Variants in CALM2 observed in about 807,000 individuals in gnomAD.
CALM2 encodes the protein calmodulin-2.
Under a neutral mutation model 19.8 loss-of-function variants are expected in CALM2, and 2 were observed. The ratio of observed to expected loss-of-function variants is 0.10; its 90% CI spans 0.04 to 0.32. The LOEUF (loss-of-function observed/expected upper bound fraction) is 0.32. Among genes scored for constraint, CALM2 ranks in the 10% least tolerant of loss-of-function variants. The probability of loss-of-function intolerance (pLI) is 1.00; values close to 1 mark genes in which losing one functional copy is unlikely to be tolerated. For synonymous variants in CALM2, 51 were observed against 52.1 expected (o/e 0.98, Z 0.09); for missense variants, 38 against 178.7 (o/e 0.21, Z 4.49).
intron 1 of CALM2, chr2:47,171,326 A>C (rs1666660222): frequency 6.6e-6 from 1 of 152,598 alleles, no homozygotes; most frequent in South Asian, 2.1e-4. Context: ...ATCCCAAAGT[A>C]AGCCCAAGGC....
Position 47,160,670 on chromosome 2 carries a change from TA to T in CALM2, c.*105del, listed in dbSNP as rs574525770. 221 of 612,118 alleles carry T rather than the reference TA, an allele frequency of 3.6e-4. 1 individual carries two copies. The African/African-American group carries it at 4.0e-3, about 11-fold the overall frequency. The allele number at this position is 612,118 out of a possible 1,614,324, so 37.9% of individuals were successfully genotyped here. ...TGAAGTCCTAATTACTATACATGCA[TA>T]TTTTTTTGACAGTAGGGAGAAACCT... On this transcript the variant is annotated 3_prime_UTR_variant, in exon 6 of 6. Transcript: ENST00000272298.
In CALM2 at chr2:47,160,810, AAAG is replaced by A. The variant is rs775247848; in HGVS notation, c.422-9_422-7del. On this transcript the variant is annotated splice_region_variant and splice_polypyrimidine_tract_variant and intron_variant, in intron 5 of 5. Coordinates refer to ENST00000272298, the MANE Select transcript of CALM2 (RefSeq NM_001743.6). ...TGTCATCATTTGTACAAACTCTGAA[AAAG>A]AAGAAGTACACAAAAAATGAGTCAA... 111 of 1,484,440 alleles carry A rather than the reference AAAG, an allele frequency of 7.5e-5. No homozygotes were observed. In the Middle Eastern group the frequency reaches 1.1e-3, roughly 15 times the overall value. The allele number at this position is 1,484,440 out of a possible 1,614,324, so 92.0% of individuals were successfully genotyped here. A position where few individuals can be genotyped will look rare whatever the true frequency, so the allele number is the denominator to read the frequency against.
At chr2:47,170,395 T>C (rs1325949504) in intron 2 of CALM2, among the ~76,000 whole-genome samples, 3 of 152,182 alleles carry the variant, frequency 2.0e-5, no homozygotes, top group Non-Finnish European at 4.4e-5. Context: ...CTTGGCCTCC[T>C]TTTCTAGCGT....
chr2:47,169,935 T>C (rs1159436363), intron 2 of CALM2, among the ~76,000 whole-genome samples: 1 of 146,534 alleles, frequency 6.8e-6, no homozygotes, highest in Non-Finnish European at 1.5e-5. Flanking sequence ...AACAAAGGAA[T>C]AGTTTGCAAA....
upstream of CALM2, chr2:47,176,563 C>T: frequency 6.4e-7 from 1 of 1,553,588 alleles, no homozygotes; most frequent in Non-Finnish European, 8.7e-7. Flanking sequence ...TCCGCCAGAT[C>T]CCTCCGCCGC....
chr2:47,162,171 CAAAAAAAAAAAAAAA>C (rs56839340), intron 4 of CALM2, 100 bp downstream of exon 4: 447 of 130,082 alleles, frequency 3.4e-3, no homozygotes, highest in Non-Finnish European at 4.2e-3. Context: ...GGTAAATCAT[CAAAAAAAAAAAAAAA>C]AAAAAAAAAA....
chr2:47,169,895 G>A (rs1215120533), intron 2 of CALM2, among the ~76,000 whole-genome samples: 1 of 150,082 alleles, frequency 6.7e-6, no homozygotes, highest in African/African-American at 2.4e-5. Context: ...AAACTGCTTG[G>A]TGCTCATGCT....
chr2:47,175,670 C>T (rs1376056258), intron 1 of CALM2, among the ~76,000 whole-genome samples: 1 of 151,398 alleles, frequency 6.6e-6, no homozygotes, highest in Non-Finnish European at 1.5e-5. Context: ...GGATGGGAAA[C>T]CGTCGAGGCC....
chr2:47,161,685 T>A (rs1165264954), intron 5 of CALM2, 38 bp downstream of exon 5: 2 of 1,576,870 alleles, frequency 1.3e-6, no homozygotes, highest in Non-Finnish European at 1.7e-6. Flanking sequence ...ATCTTAAAAA[T>A]CAAAGTGAAG....
At chr2:47,172,432 A>C (rs1309063599) in intron 1 of CALM2, 1 of 870,112 alleles carries the variant, frequency 1.1e-6, no homozygotes. Flanking sequence ...GTTGTTGTGC[A>C]AAGTGAGATG....
rs111287024 is a variant in CALM2 at position 47,162,009 on chromosome 2, T to C, written c.286-151A>G. 107 of 694,252 alleles carry C rather than the reference T, an allele frequency of 1.5e-4. No individual in the cohort carries two copies. The African/African-American group carries it at 1.6e-3, about 10-fold the overall frequency. The allele number at this position is 694,252 out of a possible 1,614,324, so 43.0% of individuals were successfully genotyped here. On this transcript the variant is annotated intron_variant, in intron 4 of 5. Coordinates refer to ENST00000272298, the MANE Select transcript of CALM2 (RefSeq NM_001743.6). ...CTACACAGTTGACCTACAAATGTCA[T>C]TAAGAGCCAAGCAAAATGTCCTACA...
intron 1 of CALM2, chr2:47,172,661 A>C: frequency 6.0e-6 from 2 of 335,640 alleles, no homozygotes; most frequent in Non-Finnish European, 1.1e-5. Flanking sequence ...CACAAGGTGC[A>C]ACCCAGCGAC....
upstream of CALM2, chr2:47,176,524 C>A (rs774957821): frequency 6.3e-7 from 1 of 1,590,652 alleles, no homozygotes; most frequent in Admixed American, 1.7e-5. Context: ...TTCGCCTCCT[C>A]CGCCCCCAGC....
Position 47,174,901 on chromosome 2 carries a change from G to A in CALM2, c.3+1540C>T, listed in dbSNP as rs1666796486. On this transcript the variant is annotated intron_variant, in intron 1 of 5. Transcript: ENST00000272298. ...GCAAATCCATCAAACGTCAATGAAC[G>A]CTAGTTTTATTTAAGGTGAAATCGT... is the stretch of plus-strand genomic sequence containing the variant. 2.0e-5 allele frequency among the ~76,000 whole-genome samples: 3 copies of A among 151,976 alleles called. 1 individual carries two copies. The highest frequency in any genetic ancestry group is 7.3e-5 in the African/African-American group (3 of 41,360).
chr2:47,171,111 A>AG (rs1388930203), intron 1 of CALM2: 1 of 198,798 alleles, frequency 5.0e-6, no homozygotes, highest in Non-Finnish European at 1.0e-5. Flanking sequence ...AAAATGCTTC[A>AG]GGCTCACAAA....
chr2:47,168,049 G>C (rs1479667958), intron 2 of CALM2, among the ~76,000 whole-genome samples: 1 of 151,982 alleles, frequency 6.6e-6, no homozygotes, highest in Admixed American at 6.6e-5. Context: ...TAGGATAGTA[G>C]TGCTCTAGAA....
chr2:47,166,311 C>T (rs1666469674), intron 2 of CALM2, among the ~76,000 whole-genome samples: 1 of 152,156 alleles, frequency 6.6e-6, no homozygotes, highest in Admixed American at 6.5e-5. Context: ...ATATTACATT[C>T]TCTGCTATGG....
intron 5 of CALM2, among the ~76,000 whole-genome samples, chr2:47,161,288 A>C (rs2103822578): frequency 6.6e-6 from 1 of 152,344 alleles, no homozygotes. Context: ...CTTTTGAAGC[A>C]CATGTAAACT....
chr2:47,170,966 C>A, intron 1 of CALM2: 1 of 539,252 alleles, frequency 1.9e-6, no homozygotes, highest in Non-Finnish European at 3.4e-6. Context: ...TTAAGATATA[C>A]AAATACTTCA....
Sources: allele counts gnomAD v4.1 joint callset (sites outside exome capture counted in the v4.1 genomes callset), GRCh38; gene constraint gnomAD v4.1.1; transcripts MANE v1.5; gene names NCBI Gene and HGNC (gene_info 2026-07-23, HGNC 2026-07-21).